SH3PXD2A: variants seen among roughly 807,000 people sequenced by gnomAD.
SH3PXD2A encodes SH3 and PX domains 2A.
A neutral mutation model predicts 115.2 loss-of-function variants in SH3PXD2A; 32 were observed. The observed-to-expected ratio is 0.28, with a 90% confidence interval of 0.21 to 0.37. The LOEUF (loss-of-function observed/expected upper bound fraction) is 0.37. Ranked by LOEUF, SH3PXD2A falls within the 10% of genes least tolerant of loss-of-function variation. The pLI, the probability that SH3PXD2A is intolerant of heterozygous loss-of-function variation, is 1.00. For synonymous variants in SH3PXD2A, 610 were observed against 629.1 expected (o/e 0.97, Z 0.45); for missense variants, 1,328 against 1,498.7 (o/e 0.89, Z 1.88).
intron 3 of SH3PXD2A, among the ~76,000 whole-genome samples, chr10:103,763,345 A>G (rs2038720764): frequency 6.6e-6 from 1 of 152,224 alleles, no homozygotes; most frequent in African/African-American, 2.4e-5. Flanking sequence ...TGCTCAGCAC[A>G]TCCCAGCATC....
At chr10:103,608,431 A>G (rs1224822862) in intron 13 of SH3PXD2A, among the ~76,000 whole-genome samples, 7 of 59,196 alleles carry the variant, frequency 1.2e-4, no homozygotes, top group Non-Finnish European at 1.9e-4. Context: ...CCATGTCAAG[A>G]AAAAAAAAAA....
chr10:103,828,336 A>G (rs1302677862), intron 1 of SH3PXD2A, among the ~76,000 whole-genome samples: 1 of 152,114 alleles, frequency 6.6e-6, no homozygotes, highest in East Asian at 1.9e-4. Context: ...CCAGTGAGCG[A>G]TTTTACCACC....
intron 5 of SH3PXD2A, among the ~76,000 whole-genome samples, chr10:103,714,457 C>T (rs1221248905): frequency 2.0e-5 from 3 of 152,212 alleles, no homozygotes; most frequent in South Asian, 2.1e-4. Flanking sequence ...CAGGCGTGTG[C>T]GCTATGAGCT....
chr10:103,810,819 C>A (rs1319598741), intron 1 of SH3PXD2A, among the ~76,000 whole-genome samples: 1 of 138,052 alleles, frequency 7.2e-6, no homozygotes, highest in Non-Finnish European at 1.6e-5. Flanking sequence ...GGGACACAGA[C>A]ATACACACAA....
intron 5 of SH3PXD2A, among the ~76,000 whole-genome samples, chr10:103,713,896 C>G (rs529186550): frequency 9.9e-5 from 15 of 152,214 alleles, no homozygotes; most frequent in Non-Finnish European, 2.1e-4. Flanking sequence ...CTATCCTCCC[C>G]CTTAGACCAC....
rs199842369 is a variant in SH3PXD2A, at chr10:103,728,889, G to GTT, written c.307-4530_307-4529dup. On this transcript the variant is annotated intron_variant, in intron 4 of 14. Transcript: ENST00000369774. Reference sequence around the variant, plus strand: ...TAGCAAAGAGTTGTTTTTTTTGTTTGTTTGTTTGTTTTTTTTTTTTTGAGA... The same window carrying GTT: ...TAGCAAAGAGTTGTTTTTTTTGTTTGTTTTTGTTTGTTTTTTTTTTTTTGAGA... Among the ~76,000 whole-genome samples the GTT allele has an allele frequency of 4.1e-4, 58 of 142,872 alleles. 1 individual carries two copies. The highest frequency in any genetic ancestry group is 1.4e-3 in the African/African-American group (53 of 37,426). The allele number at this position is 142,872 out of a possible 152,430, so 93.7% of individuals were successfully genotyped here.
rs1461583005 is a variant in SH3PXD2A at position 103,627,776 on chromosome 10, A to G, written c.605-574T>C. ...CATCCTCAGCTGATGCTTGACGATCATGGCCACGTGATAAAGCCTCATTCA... is the reference window on the plus strand; with the variant it reads ...CATCCTCAGCTGATGCTTGACGATCGTGGCCACGTGATAAAGCCTCATTCA... On this transcript the variant is annotated intron_variant, in intron 8 of 14. Transcript: ENST00000369774. The surrounding 1 kb of genome is among the most constrained non-coding windows in gnomAD (Gnocchi z 4.4). Among the ~76,000 whole-genome samples the G allele has an allele frequency of 6.6e-6, 1 of 152,214 alleles. No individual in the cohort carries two copies. The highest frequency in any genetic ancestry group is 1.9e-4 in the East Asian group (1 of 5,194).
In SH3PXD2A at chr10:103,627,265, G is replaced by C; in HGVS notation, c.605-63C>G. 1.0e-6 allele frequency: 1 copy of C among 969,374 alleles called. No homozygotes were observed. Among genetic ancestry groups the C allele is most frequent in the Non-Finnish European group, 1.7e-6 (1 of 603,820 alleles). The allele number at this position is 969,374 out of a possible 1,614,324, so 60.0% of individuals were successfully genotyped here. On this transcript the variant is annotated intron_variant, in intron 8 of 14. Coordinates refer to ENST00000369774, the MANE Select transcript of SH3PXD2A (RefSeq NM_001394015.1). This position sits in a 1 kb window ranked among gnomAD's most constrained non-coding sequence, Gnocchi z 4.4. Reference sequence around the variant, plus strand: ...CTGCAGGGTGGCAGGGGTGGCTCGGGGGCCAGGACAAGGATGGAAGGAGAG... The same window carrying C: ...CTGCAGGGTGGCAGGGGTGGCTCGGCGGCCAGGACAAGGATGGAAGGAGAG...
At chr10:103,638,173 G>A (rs892237684) in intron 8 of SH3PXD2A, among the ~76,000 whole-genome samples, 1 of 152,134 alleles carries the variant, frequency 6.6e-6, no homozygotes, top group Admixed American at 6.5e-5. Context: ...ACCCTGCTCC[G>A]TTGCCCAGGG....
At chr10:103,674,409 C>A (rs1337758203) in intron 6 of SH3PXD2A, among the ~76,000 whole-genome samples, 2 of 152,186 alleles carry the variant, frequency 1.3e-5, no homozygotes, top group Admixed American at 1.3e-4. Flanking sequence ...CTTTAGAGGA[C>A]CTGAAACAGG....
chr10:103,844,480 T>C (rs752190550), intron 1 of SH3PXD2A, among the ~76,000 whole-genome samples: 2 of 151,416 alleles, frequency 1.3e-5, no homozygotes, highest in South Asian at 4.2e-4. Flanking sequence ...CATGAAAGAG[T>C]TTACAAAGCA....
chr10:103,855,540 T>C lies in SH3PXD2A; in HGVS notation c.-274A>G, dbSNP rs1488232981. The C allele has an allele frequency of 1.3e-5, 2 of 149,990 alleles. No individual in the cohort carries two copies. Among genetic ancestry groups the C allele is most frequent in the African/African-American group, 4.9e-5 (2 of 40,816 alleles). The allele number at this position is 149,990 out of a possible 1,614,324, so 9.3% of individuals were successfully genotyped here. On this transcript the variant is annotated 5_prime_UTR_variant, in exon 1 of 15. Coordinates refer to ENST00000369774, the MANE Select transcript of SH3PXD2A (RefSeq NM_001394015.1). ...CGGCCGCCGCGCTGCGCTCGCCCGCTCGCTCTCTCCGCCGCCCGGTGGGTC... is the reference window on the plus strand; with the variant it reads ...CGGCCGCCGCGCTGCGCTCGCCCGCCCGCTCTCTCCGCCGCCCGGTGGGTC...
At chr10:103,749,298 G>T (rs1335149979) in intron 3 of SH3PXD2A, among the ~76,000 whole-genome samples, 1 of 152,182 alleles carries the variant, frequency 6.6e-6, no homozygotes, top group Admixed American at 6.5e-5. Flanking sequence ...GACCCCAGAG[G>T]CCATCTTGTC....
At chr10:103,633,799 C>T (rs1449790447) in intron 8 of SH3PXD2A, among the ~76,000 whole-genome samples, 2 of 141,396 alleles carry the variant, frequency 1.4e-5, no homozygotes, top group Non-Finnish European at 3.1e-5. Context: ...GAATAGGATT[C>T]TAATAGGATC....
chr10:103,780,041 G>A (rs1418403841), intron 2 of SH3PXD2A, among the ~76,000 whole-genome samples: 1 of 152,184 alleles, frequency 6.6e-6, no homozygotes, highest in Non-Finnish European at 1.5e-5. Context: ...CCTCCAAATG[G>A]CCTAGAACTG....
intron 8 of SH3PXD2A, among the ~76,000 whole-genome samples, chr10:103,637,927 G>C (rs1035829777): frequency 3.9e-5 from 6 of 152,208 alleles, no homozygotes; most frequent in African/African-American, 1.4e-4. Context: ...TGGAACCAGA[G>C]AAGCTGGAAA....
At chr10:103,698,917 T>G (rs575662949) in intron 5 of SH3PXD2A, among the ~76,000 whole-genome samples, 38 of 152,012 alleles carry the variant, frequency 2.5e-4, no homozygotes, top group African/African-American at 8.5e-4. Context: ...GGGAAAGCTC[T>G]ACAAGCAGGA....
At chr10:103,747,325 C>T (rs2038516237) in intron 3 of SH3PXD2A, among the ~76,000 whole-genome samples, 1 of 152,154 alleles carries the variant, frequency 6.6e-6, no homozygotes, top group African/African-American at 2.4e-5. Context: ...TGTACCCCCT[C>T]CATGTGGGCG....
chr10:103,652,355 G>A (rs1481435069), intron 8 of SH3PXD2A, among the ~76,000 whole-genome samples: 1 of 152,162 alleles, frequency 6.6e-6, no homozygotes, highest in African/African-American at 2.4e-5. Flanking sequence ...AGGCCATCTG[G>A]GTGAACTGGG....
Sources: gnomAD v4.1 joint callset for allele counts (sites outside exome capture counted in the v4.1 genomes callset) on GRCh38, gnomAD v4.1.1 for gene constraint, Gnocchi (gnomAD v3.1) non-coding constraint, MANE v1.5 for transcripts, NCBI Gene and HGNC (gene_info 2026-07-23, HGNC 2026-07-21) for gene names.